ENO4: variants seen among roughly 807,000 people sequenced by gnomAD.
The protein encoded by ENO4 is enolase 4.
ENO4 carries 53 observed loss-of-function variants against 63.2 expected under a neutral mutation model. The ratio of observed to expected loss-of-function variants is 0.84; its 90% CI spans 0.67 to 1.05. The LOEUF (loss-of-function observed/expected upper bound fraction) is 1.05. Among genes scored for constraint, ENO4 ranks in the 50% least tolerant of loss-of-function variants. ENO4 has a pLI of 0.00. For synonymous variants in ENO4, 266 were observed against 283.8 expected, an observed-to-expected ratio of 0.94 and a Z score of 0.63; for missense variants, 719 against 772.0, an observed-to-expected ratio of 0.93 and a Z score of 0.81.
At chr10:116,859,679 G>A (rs369107005) in intron 4 of ENO4, among the ~76,000 whole-genome samples, 10 of 152,230 alleles carry the variant, frequency 6.6e-5, no homozygotes, top group African/African-American at 2.4e-4. Context: ...GCTGCTCTTG[G>A]TATAATAACA....
chr10:116,904,769 T>C (rs1847893259), intron 10 of ENO4, among the ~76,000 whole-genome samples: 1 of 152,192 alleles, frequency 6.6e-6, no homozygotes, highest in African/African-American at 2.4e-5. Context: ...GAAAACTAAC[T>C]CTGAAATGTG....
At chr10:116,900,357 C>G (rs1847688052) in intron 10 of ENO4, 2 of 606,090 alleles carry the variant, frequency 3.3e-6, no homozygotes, top group African/African-American at 1.8e-5. Context: ...GCCTTTATGG[C>G]ATCTAACAAC....
chr10:116,896,801 CTT>C (rs1230730641), intron 10 of ENO4, among the ~76,000 whole-genome samples: 18 of 121,678 alleles, frequency 1.5e-4, no homozygotes, highest in Admixed American at 1.7e-4. Context: ...TGATCAGGTA[CTT>C]TTTTTTTTTT....
chr10:116,903,093 G>C (rs929749198), intron 10 of ENO4, among the ~76,000 whole-genome samples: 3 of 152,216 alleles, frequency 2.0e-5, no homozygotes, highest in Non-Finnish European at 4.4e-5. Flanking sequence ...ACACCTCTCT[G>C]AGCCTTGCTC....
At chr10:116,862,907 A>T in intron 7 of ENO4, 55 bp downstream of exon 7, 1 of 1,155,808 alleles carries the variant, frequency 8.7e-7, no homozygotes, top group South Asian at 1.3e-5. Flanking sequence ...ACCTTCTAGC[A>T]TGCAACTTGT....
At chr10:116,866,007 G>T (rs947984031) in intron 7 of ENO4, among the ~76,000 whole-genome samples, 3 of 152,144 alleles carry the variant, frequency 2.0e-5, no homozygotes, top group African/African-American at 7.2e-5. Flanking sequence ...CATAGATTAA[G>T]AACCTTGGGC....
intron 1 of ENO4, among the ~76,000 whole-genome samples, chr10:116,853,224 G>A (rs1846139862): frequency 6.6e-6 from 1 of 151,522 alleles, no homozygotes; most frequent in Admixed American, 6.6e-5. Context: ...GAACCCGGGA[G>A]GCGGAGCTTG....
chr10:116,857,642 C>CG (rs1846302412), intron 3 of ENO4, among the ~76,000 whole-genome samples: 1 of 145,000 alleles, frequency 6.9e-6, no homozygotes, highest in East Asian at 2.0e-4. Flanking sequence ...GTAACAGAAA[C>CG]TTTTTTTTTT....
chr10:116,862,022 C>T (rs576697699), intron 6 of ENO4, among the ~76,000 whole-genome samples: 37 of 152,224 alleles, frequency 2.4e-4, no homozygotes, highest in Non-Finnish European at 3.4e-4. Context: ...TACCAGAGCA[C>T]GAGGAATGCC....
At chr10:116,850,152 A>G in intron 1 of ENO4, 1 of 258,782 alleles carries the variant, frequency 3.9e-6, no homozygotes, top group South Asian at 3.9e-5. Flanking sequence ...CAGGATGAAC[A>G]CCTTGGCGTT....
chr10:116,853,827 T>C (rs908544006), intron 1 of ENO4, among the ~76,000 whole-genome samples: 5 of 152,218 alleles, frequency 3.3e-5, no homozygotes, highest in Admixed American at 2.0e-4. Flanking sequence ...TGAACTGGCA[T>C]GTCGCTGTGG....
chr10:116,881,605 T>C lies in ENO4; in HGVS notation c.1814T>C (p.Leu605Pro), dbSNP rs112447423. Residue 605 changes from leucine to proline, a missense_variant, in exon 14 of 14, where the codon CTG becomes CCG. Physicochemically the swap from Leu to Pro is moderately conservative, Grantham distance 98. This residue lies in a region of ENO4 where 168 missense variants were observed against 163.3 expected (regional missense o/e 1.03). Coordinates refer to ENST00000341276, the MANE Select transcript of ENO4 (RefSeq NM_001242699.2). ...GAGGCTGCTGCGGCTAGGGAGCCGC[T>C]GGTGCCCACCTTCCCCACACAAGGT... is the stretch of plus-strand genomic sequence containing the variant. Reference protein sequence around the residue: ...ALEAAAAREPLVPTFPTQGVE... With the variant: ...ALEAAAAREPPVPTFPTQGVE... The C allele has an allele frequency of 3.3e-3, 5,149 of 1,550,476 alleles. 18 individuals are homozygous for C. Among genetic ancestry groups the C allele is most frequent in the South Asian group, 4.2e-3 (354 of 84,026 alleles).
At position 116,856,564 on chromosome 10, in the gene ENO4, G is replaced by C. The variant is rs1208106060; in HGVS notation, c.367G>C (p.Glu123Gln). 2.6e-6 allele frequency: 4 copies of C among 1,536,180 alleles called. No homozygotes were observed. In the East Asian group the frequency reaches 7.3e-5, roughly 28 times the overall value. ...TGCTCTGCCCGAGCTGGCCAAGGCGGAGGAGGCAGAGAGGGCCAGCGCGGT... is the reference window on the plus strand; with the variant it reads ...TGCTCTGCCCGAGCTGGCCAAGGCGCAGGAGGCAGAGAGGGCCAGCGCGGT... ...ENALPELAKAEEAERASAVST... is the reference protein window; with the variant it reads ...ENALPELAKAQEAERASAVST... Residue 123 changes from glutamate (E) to glutamine (Q), a missense_variant, in exon 3 of 14, where the codon GAG becomes CAG. Transcript: ENST00000341276.
Position 116,854,940 on chromosome 10 carries a change from CAAAAAAAAAAAAAAA to C in ENO4, c.166-669_166-655del, listed in dbSNP as rs71013620. Reference sequence around the variant, plus strand: ...TGGCTGACAGAGCAAGACCCTGTCTCAAAAAAAAAAAAAAAAAAAAAAAAAAAAGAAAGAAAGAAA... The same window carrying C: ...TGGCTGACAGAGCAAGACCCTGTCTCAAAAAAAAAAAAAGAAAGAAAGAAA... On this transcript the variant is annotated intron_variant, in intron 1 of 13. Transcript: ENST00000341276. Among the ~76,000 whole-genome samples, 6 of 41,528 alleles carry C rather than the reference CAAAAAAAAAAAAAAA, an allele frequency of 1.4e-4. No individual in the cohort carries two copies. In the East Asian group the frequency reaches 2.8e-3, roughly 19 times the overall value. 27.2% of individuals were successfully genotyped at this position (41,528 alleles called of 152,430 possible). A position where few individuals can be genotyped will look rare whatever the true frequency, so the allele number is the denominator to read the frequency against.
intron 10 of ENO4, among the ~76,000 whole-genome samples, chr10:116,902,695 T>C (rs1938785301): frequency 6.6e-6 from 1 of 152,240 alleles, no homozygotes; most frequent in Non-Finnish European, 1.5e-5. Flanking sequence ...ATGATTCTAG[T>C]AAGTGCTTCT....
downstream of ENO4, among the ~76,000 whole-genome samples, chr10:116,887,273 T>C (rs578030793): frequency 8.2e-4 from 125 of 152,346 alleles, no homozygotes; most frequent in African/African-American, 2.9e-3. Context: ...TCTCTTCTGC[T>C]GCAAGAAGCT....
At chr10:116,878,715 T>C (rs1200776155) in intron 11 of ENO4, among the ~76,000 whole-genome samples, 1 of 133,594 alleles carries the variant, frequency 7.5e-6, no homozygotes, top group African/African-American at 2.6e-5. Context: ...GGTAATAAAA[T>C]AATAGTGCAT....
intron 10 of ENO4, among the ~76,000 whole-genome samples, chr10:116,875,586 C>CACACACACA (rs61521681): frequency 6.7e-6 from 1 of 149,634 alleles, no homozygotes; most frequent in Non-Finnish European, 1.5e-5. Context: ...CACACACACA[C>CACACACACA]ATGCACATGT....
At chr10:116,893,565 G>C (rs543252143) in intron 10 of ENO4, among the ~76,000 whole-genome samples, 29 of 2,200 alleles carry the variant, frequency 0.013, no homozygotes, top group African/African-American at 0.034. Flanking sequence ...CTCCCTGATA[G>C]GCACTCATGT....
Sources: allele counts gnomAD v4.1 joint callset (sites outside exome capture counted in the v4.1 genomes callset), GRCh38; gene constraint gnomAD v4.1.1; regional missense constraint gnomAD v4.1.1; transcripts MANE v1.5; gene names NCBI Gene and HGNC (gene_info 2026-07-23, HGNC 2026-07-21).